Variants in IL1RAPL1 observed in about 807,000 individuals in gnomAD.
The protein encoded by IL1RAPL1 is interleukin 1 receptor accessory protein like 1.
Under a neutral mutation model 48.4 loss-of-function variants are expected in IL1RAPL1, and 3 were observed. That is an observed-to-expected ratio of 0.06 (90% CI 0.03 to 0.16). IL1RAPL1 has a LOEUF of 0.16. IL1RAPL1 is among the 10% of genes least tolerant of loss of function. IL1RAPL1 has a pLI of 1.00. For synonymous variants in IL1RAPL1, 185 were observed against 187.7 expected (o/e 0.99, Z 0.12); for missense variants, 349 against 530.6 (o/e 0.66, Z 3.36).
At chrX:29,185,775 G>A (rs1355952883) in intron 2 of IL1RAPL1, among the ~76,000 whole-genome samples, 1 of 110,974 alleles carries the variant, frequency 9.0e-6, no homozygotes, top group Non-Finnish European at 1.9e-5. Flanking sequence ...AAGGTCAAAT[G>A]TGTAATAGGT....
intron 3 of IL1RAPL1, among the ~76,000 whole-genome samples, chrX:29,341,044 G>A (rs944171763): frequency 8.9e-6 from 1 of 112,167 alleles, no homozygotes; most frequent in African/African-American, 3.2e-5. Context: ...TGAAATCAAT[G>A]TTCTAATTAT....
At chrX:29,565,407 A>G (rs903940990) in intron 5 of IL1RAPL1, among the ~76,000 whole-genome samples, 2 of 111,406 alleles carry the variant, frequency 1.8e-5, no homozygotes, top group East Asian at 5.6e-4. Context: ...ATTCTAGTCA[A>G]TATGTATAAA....
intron 1 of IL1RAPL1, among the ~76,000 whole-genome samples, chrX:28,684,915 T>TA (rs1483790966): frequency 8.9e-6 from 1 of 111,932 alleles, no homozygotes; most frequent in Non-Finnish European, 1.9e-5. Flanking sequence ...GTTATAACCT[T>TA]AAAATGAGTC....
chrX:29,873,751 G>A (rs749891685), intron 6 of IL1RAPL1, among the ~76,000 whole-genome samples: 1 of 111,872 alleles, frequency 8.9e-6, no homozygotes, highest in East Asian at 2.8e-4. Flanking sequence ...ATGTGCATGT[G>A]CCTAAGTATT....
At chrX:29,144,273 A>G (rs1213532965) in intron 2 of IL1RAPL1, among the ~76,000 whole-genome samples, 1 of 111,108 alleles carries the variant, frequency 9.0e-6, no homozygotes, top group Non-Finnish European at 1.9e-5. Context: ...ACTTATTGTA[A>G]TTATGTCAAG....
At chrX:29,009,502 A>G (rs1926072089) in intron 2 of IL1RAPL1, among the ~76,000 whole-genome samples, 1 of 112,069 alleles carries the variant, frequency 8.9e-6, no homozygotes, top group Non-Finnish European at 1.9e-5. Context: ...TCCCAACACC[A>G]TTGGTTGAAT....
At chrX:29,210,710 T>G (rs184425351) in intron 2 of IL1RAPL1, among the ~76,000 whole-genome samples, 7 of 111,728 alleles carry the variant, frequency 6.3e-5, no homozygotes, top group African/African-American at 2.3e-4. Flanking sequence ...AAAATGTCAT[T>G]CCAGGTGCAA....
intron 2 of IL1RAPL1, among the ~76,000 whole-genome samples, chrX:28,868,309 C>A (rs1481059872): frequency 8.9e-6 from 1 of 111,795 alleles, no homozygotes; most frequent in Non-Finnish European, 1.9e-5. Flanking sequence ...TTTAGCTAGT[C>A]AGAATTTCTT....
intron 2 of IL1RAPL1, among the ~76,000 whole-genome samples, chrX:29,043,303 CT>C (rs1370032212): frequency 9.0e-6 from 1 of 111,349 alleles, no homozygotes; most frequent in Non-Finnish European, 1.9e-5. Context: ...AATCCATCCC[CT>C]ATCCTCATTT....
chrX:28,671,616 T>G, intron 1 of IL1RAPL1, among the ~76,000 whole-genome samples: 1 of 112,248 alleles, frequency 8.9e-6, no homozygotes. Context: ...CAAAGAAATT[T>G]ATTTTGGCCG....
In IL1RAPL1 at chrX:29,588,113, C is replaced by T. The variant is rs150771539; in HGVS notation, c.704-80317C>T. ...TATTTTTAAATTGTTCTTGAGAACC[C>T]TCAAGCCTCAATTTGAAAGATACTG... On this transcript the variant is annotated intron_variant, in intron 5 of 10. Coordinates refer to ENST00000378993, the MANE Select transcript of IL1RAPL1 (RefSeq NM_014271.4). Among the ~76,000 whole-genome samples, 772 of 112,236 alleles carry T rather than the reference C, an allele frequency of 6.9e-3. 6 individuals carry two copies. Among genetic ancestry groups the T allele is most frequent in the African/African-American group, 0.024 (745 of 30,919 alleles).
chrX:29,192,147 C>T (rs192850765), intron 2 of IL1RAPL1, among the ~76,000 whole-genome samples: 1 of 111,623 alleles, frequency 9.0e-6, no homozygotes, highest in East Asian at 2.8e-4. Flanking sequence ...CCAAAGGGGA[C>T]ACGACTCGCA....
chrX:29,243,986 C>G (rs1301739077), intron 2 of IL1RAPL1, among the ~76,000 whole-genome samples: 4 of 111,779 alleles, frequency 3.6e-5, no homozygotes. Context: ...TTCCCTCTCC[C>G]CCACACATGT....
At chrX:29,272,704 G>A (rs1237889236) in intron 2 of IL1RAPL1, among the ~76,000 whole-genome samples, 1 of 111,783 alleles carries the variant, frequency 8.9e-6, no homozygotes, top group African/African-American at 3.3e-5. Flanking sequence ...TGGCCTATTA[G>A]CAAGGTTAGG....
At chrX:29,743,241 ATTAT>A (rs1302360940) in intron 6 of IL1RAPL1, among the ~76,000 whole-genome samples, 3 of 107,499 alleles carry the variant, frequency 2.8e-5, no homozygotes, top group Non-Finnish European at 5.7e-5. Flanking sequence ...TTTACATATA[ATTAT>A]TAATATATCA....
At chrX:29,915,310 G>C (rs191636895) in intron 6 of IL1RAPL1, among the ~76,000 whole-genome samples, 7 of 111,402 alleles carry the variant, frequency 6.3e-5, no homozygotes, top group Non-Finnish European at 1.3e-4. Flanking sequence ...GTTTAGGGGC[G>C]GGGGAGGAAT....
intron 6 of IL1RAPL1, among the ~76,000 whole-genome samples, chrX:29,745,803 T>C (rs1162864591): frequency 9.0e-6 from 1 of 110,906 alleles, no homozygotes; most frequent in Non-Finnish European, 1.9e-5. Flanking sequence ...CAGTCCTATA[T>C]GTAAAAGTAT....
chrX:28,842,632 C>T (rs933012363), intron 2 of IL1RAPL1, among the ~76,000 whole-genome samples: 3 of 111,311 alleles, frequency 2.7e-5, no homozygotes, highest in Non-Finnish European at 5.7e-5. Flanking sequence ...ATGTTGTGGA[C>T]ACTTTGTCAA....
intron 8 of IL1RAPL1, among the ~76,000 whole-genome samples, chrX:29,930,674 G>C (rs746382088): frequency 5.4e-5 from 6 of 111,616 alleles, no homozygotes; most frequent in Non-Finnish European, 1.1e-4. Flanking sequence ...TTTTGGTATA[G>C]CTACTGAATA....
Sources: gnomAD v4.1 joint callset for allele counts (sites outside exome capture counted in the v4.1 genomes callset) on GRCh38, gnomAD v4.1.1 for gene constraint, MANE v1.5 for transcripts, NCBI Gene and HGNC (gene_info 2026-07-23, HGNC 2026-07-21) for gene names.